Variants in TENM1 observed in about 807,000 individuals in gnomAD.
TENM1 encodes teneurin-1.
A neutral mutation model predicts 174.8 loss-of-function variants in TENM1; 35 were observed. That is an observed-to-expected ratio of 0.20 (90% CI 0.15 to 0.27). The LOEUF (loss-of-function observed/expected upper bound fraction) is 0.27. Among genes scored for constraint, TENM1 ranks in the 10% least tolerant of loss-of-function variants. The pLI is 1.00. For synonymous variants in TENM1, 781 were observed against 798.7 expected (o/e 0.98, Z 0.37); for missense variants, 1,633 against 2,130.1 (o/e 0.77, Z 4.59).
intron 1 of TENM1, among the ~76,000 whole-genome samples, chrX:124,947,326 T>C (rs773007030): frequency 8.9e-6 from 1 of 111,854 alleles, no homozygotes; most frequent in African/African-American, 3.2e-5. Context: ...TATAGACCCA[T>C]TTGAACACCA....
intron 6 of TENM1, among the ~76,000 whole-genome samples, chrX:124,659,267 C>T (rs1390727627): frequency 2.7e-5 from 3 of 111,164 alleles, no homozygotes; most frequent in Non-Finnish European, 5.7e-5. Context: ...TAAAATATCT[C>T]TTGAAAGAAA....
chrX:124,619,293 G>A lies in TENM1; in HGVS notation c.2077+22498C>T, dbSNP rs535921284. ...TTTTAATACATTTACATTAATAAAT[G>A]CATGTAGATACATAACTAATTTGTG... On this transcript the variant is annotated intron_variant, in intron 11 of 31. Coordinates refer to ENST00000422452, the Ensembl canonical transcript of TENM1. Among the ~76,000 whole-genome samples the A allele has an allele frequency of 7.2e-5, 8 of 111,430 alleles. No individual in the cohort carries two copies. The South Asian group carries it at 2.6e-3, about 37-fold the overall frequency.
the TENM1 span, among the ~76,000 whole-genome samples, chrX:125,172,348 A>G: frequency 9.1e-6 from 1 of 110,306 alleles, no homozygotes; most frequent in Non-Finnish European, 1.9e-5. Context: ...ACGAGAAGAA[A>G]CAAACCCACA....
intron 22 of TENM1, among the ~76,000 whole-genome samples, chrX:124,475,405 T>C (rs2061376141): frequency 9.0e-6 from 1 of 111,493 alleles, no homozygotes; most frequent in South Asian, 3.8e-4. Context: ...TTCATTGGCC[T>C]CCCACGATTT....
the TENM1 span, among the ~76,000 whole-genome samples, chrX:125,017,752 A>T: frequency 8.9e-6 from 1 of 111,834 alleles, no homozygotes; most frequent in Admixed American, 9.5e-5. Flanking sequence ...CATCATTCTC[A>T]GCAAACTAAC....
intron 1 of TENM1, among the ~76,000 whole-genome samples, chrX:124,931,325 G>T (rs2058167566): frequency 9.1e-6 from 1 of 110,204 alleles, no homozygotes; most frequent in African/African-American, 3.3e-5. Flanking sequence ...AGGGAGGGTT[G>T]ACAGCCAAAC....
chrX:124,707,176 G>A (rs2052927862), intron 4 of TENM1, among the ~76,000 whole-genome samples: 2 of 110,615 alleles, frequency 1.8e-5, no homozygotes, highest in African/African-American at 6.6e-5. Flanking sequence ...CTAATTTTTT[G>A]TATTTTAGTA....
chrX:125,192,089 C>T, the TENM1 span, among the ~76,000 whole-genome samples: 5 of 111,150 alleles, frequency 4.5e-5, no homozygotes, highest in Non-Finnish European at 9.4e-5. Flanking sequence ...CTTGGACTTC[C>T]CAGCCTCCAA....
intron 3 of TENM1, among the ~76,000 whole-genome samples, chrX:124,759,745 C>T (rs528350352): frequency 2.4e-4 from 27 of 112,017 alleles, no homozygotes; most frequent in African/African-American, 6.5e-4. Flanking sequence ...TATGTGCTTG[C>T]TAGCCAACAA....
exon 1 of TENM1, chrX:124,963,817 C>A: frequency 1.1e-6 from 1 of 941,003 alleles, no homozygotes; most frequent in South Asian, 2.2e-5. Context: ...TGCAAGCAGT[C>A]CTGGAAGAGA....
chrX:124,380,935 C>T, exon 32 of TENM1: 1 of 1,211,411 alleles, frequency 8.3e-7, no homozygotes, highest in South Asian at 1.8e-5. Context: ...GAATCCGCCT[C>T]CCCCCAGTGT....
chrX:124,502,287 GGGGCCCCCCCCAAAGCCAACTTTCT>G (rs1853418457), intron 19 of TENM1, among the ~76,000 whole-genome samples: 1 of 112,286 alleles, frequency 8.9e-6, no homozygotes, highest in African/African-American at 3.2e-5. Context: ...TGAAAATCAG[GGGGCCCCCCCCAAAGCCAACTTTCT>G]GAATGACTCC....
chrX:124,556,776 C>A (rs1429550986), intron 14 of TENM1, among the ~76,000 whole-genome samples: 1 of 111,619 alleles, frequency 9.0e-6, no homozygotes, highest in Non-Finnish European at 1.9e-5. Flanking sequence ...TCATCCCTTA[C>A]AAAATTGTCT....
intron 6 of TENM1, among the ~76,000 whole-genome samples, chrX:124,667,756 AGT>A (rs2051808892): frequency 1.8e-5 from 2 of 110,683 alleles, no homozygotes; most frequent in Non-Finnish European, 3.8e-5. Flanking sequence ...GAAATTCTAG[AGT>A]GTTCGTAAAT....
At chrX:124,926,326 C>A (rs917215444) in intron 1 of TENM1, among the ~76,000 whole-genome samples, 31 of 111,448 alleles carry the variant, frequency 2.8e-4, no homozygotes, top group Non-Finnish European at 5.5e-4. Flanking sequence ...ATGAAGATAA[C>A]AATACCTGTT....
At chrX:125,173,919 A>G in the TENM1 span, among the ~76,000 whole-genome samples, 17 of 111,983 alleles carry the variant, frequency 1.5e-4, no homozygotes, top group Non-Finnish European at 2.8e-4. Flanking sequence ...AAACTGTCTA[A>G]AGTAGAGATA....
the TENM1 span, among the ~76,000 whole-genome samples, chrX:125,123,186 G>A: frequency 1.8e-5 from 2 of 111,219 alleles, no homozygotes; most frequent in African/African-American, 6.5e-5. Flanking sequence ...ATCTTTAACG[G>A]TCCTTACACA....
At chrX:124,940,457 C>T (rs182533373) in intron 1 of TENM1, among the ~76,000 whole-genome samples, 52 of 111,737 alleles carry the variant, frequency 4.7e-4, no homozygotes, top group Non-Finnish European at 9.2e-4. Context: ...CAGTCATATC[C>T]TTGCCCTTTC....
chrX:125,142,411 G>T, the TENM1 span, among the ~76,000 whole-genome samples: 5 of 111,270 alleles, frequency 4.5e-5, no homozygotes, highest in South Asian at 1.9e-3. Flanking sequence ...CTCCACAGAG[G>T]TTCTTGAAGG....
Sources: gnomAD v4.1 joint callset for allele counts (sites outside exome capture counted in the v4.1 genomes callset) on GRCh38, gnomAD v4.1.1 for gene constraint, MANE v1.5 for transcripts, NCBI Gene and HGNC (gene_info 2026-07-23, HGNC 2026-07-21) for gene names.